Variants in POLG2 observed in about 807,000 individuals in gnomAD.
POLG2 encodes DNA polymerase gamma 2, accessory subunit.
A neutral mutation model predicts 56.5 loss-of-function variants in POLG2; 50 were observed. The observed-to-expected ratio is 0.88, with a 90% CI of 0.71 to 1.12. The LOEUF (loss-of-function observed/expected upper bound fraction) is 1.12. Ranked by LOEUF, POLG2 falls within the 50% of genes most tolerant of loss-of-function variation. The pLI is 0.00. For synonymous variants in POLG2, 226 were observed against 222.6 expected (o/e 1.02, Z -0.14); for missense variants, 584 against 583.3 (o/e 1.00, Z -0.01).
intron 6 of POLG2, among the ~76,000 whole-genome samples, chr17:64,480,743 A>C (rs2037843696): frequency 6.6e-6 from 1 of 152,240 alleles, no homozygotes. Flanking sequence ...GTATGAACTC[A>C]GAGCCCTCAT....
chr17:64,495,770 G>A (rs1041322748), intron 1 of POLG2, among the ~76,000 whole-genome samples: 25 of 151,668 alleles, frequency 1.6e-4, no homozygotes, highest in African/African-American at 5.3e-4. Flanking sequence ...GTGCAGTGGC[G>A]TGATCTCGGC....
intron 7 of POLG2, 118 bp from the exon 8 acceptor site, chr17:64,478,106 AG>A: frequency 1.0e-6 from 1 of 998,944 alleles, no homozygotes; most frequent in South Asian, 1.5e-5. Context: ...TCAGGGCTTA[AG>A]GGTGGACCAA....
chr17:64,492,443 A>G (rs1211049524), intron 3 of POLG2, among the ~76,000 whole-genome samples: 1 of 152,262 alleles, frequency 6.6e-6, no homozygotes, highest in Non-Finnish European at 1.5e-5. Context: ...TACCTTACAC[A>G]GAAAGGCTAA....
chr17:64,482,850 C>A, intron 6 of POLG2, 69 bp downstream of exon 6: 1 of 910,272 alleles, frequency 1.1e-6, no homozygotes, highest in Admixed American at 1.7e-5. Context: ...CAAAATGGTC[C>A]TGGTCCAAAG....
intron 7 of POLG2, among the ~76,000 whole-genome samples, chr17:64,479,565 T>C (rs2037823002): frequency 1.3e-5 from 2 of 151,964 alleles, no homozygotes; most frequent in Admixed American, 1.3e-4. Context: ...AAAAGATACA[T>C]ATTCAACACA....
Position 64,480,362 on chromosome 17 carries a change from G to T in POLG2, c.1219C>A (p.Leu407Ile). Residue 407 changes from leucine (L) to isoleucine (I), a missense_variant, in exon 7 of 8, where the codon CTA becomes ATA. Coordinates refer to ENST00000539111, the MANE Select transcript of POLG2 (RefSeq NM_007215.4). ...QVCQGLFNEL[L>I]ENGISVWPGY... ...GGCCACACAGAAATCCCATTTTCTAGTAACTCATTAAATAGCCCTTGACAA... is the reference window on the plus strand; with the variant it reads ...GGCCACACAGAAATCCCATTTTCTATTAACTCATTAAATAGCCCTTGACAA... 2 of 1,589,818 alleles carry T rather than the reference G, an allele frequency of 1.3e-6. No homozygotes were observed. Among genetic ancestry groups the T allele is most frequent in the Non-Finnish European group, 8.6e-7 (1 of 1,159,738 alleles).
rs1202762031 is a variant in POLG2, at chr17:64,496,819, G to A, written c.150C>T (p.Leu50=). The change falls in exon 1 of 8, where the codon CTC becomes CTT. Residue 50 remains leucine, a synonymous_variant. Transcript: ENST00000539111. ...CTTCTGGGTGCTCGCCGTTCCCCTCGAGCTCCGCGTGCGACTTCACATGCC... is the reference window on the plus strand; with the variant it reads ...CTTCTGGGTGCTCGCCGTTCCCCTCAAGCTCCGCGTGCGACTTCACATGCC... ...KGGHVKSHAE[L]EGNGEHPEAP... is the part of the protein sequence containing the mutation. The A allele has an allele frequency of 4.3e-6, 7 of 1,613,528 alleles. No homozygotes were observed. The highest frequency in any genetic ancestry group is 5.9e-6 in the Non-Finnish European group (7 of 1,179,974).
chr17:64,484,332 T>C (rs2144149318), intron 5 of POLG2: 1 of 152,408 alleles, frequency 6.6e-6, no homozygotes, highest in Middle Eastern at 3.4e-3. Context: ...AAGAGCACTC[T>C]AGGCAATGGG....
chr17:64,493,523 C>T (rs1026141740), intron 1 of POLG2, among the ~76,000 whole-genome samples: 1 of 151,848 alleles, frequency 6.6e-6, no homozygotes. Context: ...CTCGCTCTGT[C>T]GCCCAGGCTG....
At chr17:64,483,492 C>T (rs562823650) in intron 5 of POLG2, among the ~76,000 whole-genome samples, 7 of 148,280 alleles carry the variant, frequency 4.7e-5, no homozygotes, top group South Asian at 2.1e-4. Context: ...CTAGTCTGGG[C>T]GACAGAGTGA....
intron 6 of POLG2, 58 bp downstream of exon 6, chr17:64,482,861 C>G: frequency 1.0e-6 from 1 of 988,002 alleles, no homozygotes; most frequent in Non-Finnish European, 1.6e-6. Context: ...TGGTCCAAAG[C>G]GTTTTTGGAT....
Position 64,496,682 on chromosome 17 carries a change from T to TTTC in POLG2, c.286_287insGAA (p.His96delinsArgAsn). ...TACGCCCAAGGGTCCGAAGCCGGGG[T>TTTC]GGCACCCACTCAGAAGAGAATCCCG... On this transcript the variant is annotated protein_altering_variant, in exon 1 of 8. Transcript: ENST00000539111. 1 of 1,613,910 alleles carries TTTC rather than the reference T, an allele frequency of 6.2e-7. No individual in the cohort carries two copies. Among genetic ancestry groups the TTTC allele is most frequent in the Non-Finnish European group, 8.5e-7 (1 of 1,180,004 alleles).
chr17:64,495,655 A>T (rs1442585606), intron 1 of POLG2, among the ~76,000 whole-genome samples: 1 of 152,140 alleles, frequency 6.6e-6, no homozygotes, highest in Admixed American at 6.6e-5. Context: ...TTTACATATT[A>T]TCTCTTCTTT....
chr17:64,484,383 C>T (rs1555667081), intron 5 of POLG2, among the ~76,000 whole-genome samples: 1 of 152,220 alleles, frequency 6.6e-6, no homozygotes, highest in African/African-American at 2.4e-5. Context: ...GCATCTCCAG[C>T]ATGTTCTAGA....
rs61751984 is a variant in POLG2, at chr17:64,492,728, G to T, written c.734C>A (p.Pro245Gln). 1.9e-5 allele frequency: 30 copies of T among 1,613,002 alleles called. No individual in the cohort carries two copies. The highest frequency in any genetic ancestry group is 2.3e-5 in the Non-Finnish European group (27 of 1,179,530). ...ATCAAGCCACTGGTTTGAAGTTCTC[G>T]GAGGAGTAAACCATACTAACGAAGC... is the stretch of plus-strand genomic sequence containing the variant. Reference protein sequence around the residue: ...TEASLVWFTPPRTSNQWLDFW... With the variant: ...TEASLVWFTPQRTSNQWLDFW... Residue 245 changes from proline to glutamine, a missense_variant, in exon 3 of 8, where the codon CCG (proline) becomes CAG (glutamine). By Grantham distance (76) the Pro-to-Gln change is moderately conservative. Transcript: ENST00000539111.
At chr17:64,482,442 C>G (rs1446493085) in intron 6 of POLG2, among the ~76,000 whole-genome samples, 1 of 151,922 alleles carries the variant, frequency 6.6e-6, no homozygotes, top group Non-Finnish European at 1.5e-5. Flanking sequence ...CTGCCTTAGC[C>G]TCCTGAGTAT....
intron 1 of POLG2, among the ~76,000 whole-genome samples, chr17:64,494,839 C>T (rs987318086): frequency 5.9e-5 from 9 of 152,132 alleles, no homozygotes; most frequent in East Asian, 5.8e-4. Flanking sequence ...ACCCCAGACC[C>T]GGAATCAGCC....
Position 64,490,832 on chromosome 17 carries a change from A to G in POLG2, c.933T>C (p.Leu311=). The G allele has an allele frequency of 1.2e-6, 2 of 1,613,708 alleles. No individual in the cohort carries two copies. Among genetic ancestry groups the G allele is most frequent in the Non-Finnish European group, 1.7e-6 (2 of 1,179,630 alleles). The change falls in exon 4 of 8, where the codon CTT becomes CTC. Residue 311 remains leucine, a synonymous_variant. Coordinates refer to ENST00000539111, the MANE Select transcript of POLG2 (RefSeq NM_007215.4). ...ACACATTGCCAGGATACATGTGTAAAAGTTCGTGATCTCCTAGGTTCCACA... is the reference window on the plus strand; with the variant it reads ...ACACATTGCCAGGATACATGTGTAAGAGTTCGTGATCTCCTAGGTTCCACA... ...ETLWNLGDHE[L]LHMYPGNVSK...
At chr17:64,486,393 C>A (rs748112600) in intron 4 of POLG2, among the ~76,000 whole-genome samples, 1 of 150,064 alleles carries the variant, frequency 6.7e-6, no homozygotes, top group Non-Finnish European at 1.5e-5. Flanking sequence ...CAGAGTCTCG[C>A]TCTGTCACCC....
Sources: allele counts gnomAD v4.1 joint callset (sites outside exome capture counted in the v4.1 genomes callset), GRCh38; gene constraint gnomAD v4.1.1; transcripts MANE v1.5; gene names NCBI Gene and HGNC (gene_info 2026-07-23, HGNC 2026-07-21).